The following SLC13A3 variants were observed in gnomAD, a reference collection of about 807,000 sequenced individuals.
The protein encoded by SLC13A3 is solute carrier family 13 member 3, also known as Na(+)/dicarboxylate cotransporter 3.
A neutral mutation model predicts 59.0 loss-of-function variants in SLC13A3; 40 were observed. The ratio of observed to expected loss-of-function variants is 0.68; its 90% CI spans 0.53 to 0.88. The LOEUF is 0.88. SLC13A3 is among the 40% of genes least tolerant of loss of function. SLC13A3 has a pLI of 0.00. For missense variants in SLC13A3, 699 were observed against 783.2 expected (o/e 0.89, Z 1.28); for synonymous variants, 317 against 330.3 (o/e 0.96, Z 0.44).
At chr20:46,623,323 G>T (rs1051436105) in intron 1 of SLC13A3, among the ~76,000 whole-genome samples, 3 of 152,116 alleles carry the variant, frequency 2.0e-5, no homozygotes, top group Non-Finnish European at 4.4e-5. Context: ...AACATTTTTT[G>T]AGTATTCTCT....
intron 1 of SLC13A3, among the ~76,000 whole-genome samples, chr20:46,646,972 A>C (rs1167779129): frequency 2.0e-5 from 3 of 152,208 alleles, no homozygotes; most frequent in Non-Finnish European, 4.4e-5. Context: ...AATTAGGCAA[A>C]TGCAAGAAAG....
intron 1 of SLC13A3, among the ~76,000 whole-genome samples, chr20:46,621,281 T>G (rs2062611636): frequency 7.5e-6 from 1 of 133,596 alleles, no homozygotes. Context: ...TAATGGGGAA[T>G]CATTAGGCAT....
chr20:46,672,017 C>A (rs117569812), upstream of SLC13A3, among the ~76,000 whole-genome samples: 932 of 152,342 alleles, frequency 6.1e-3, 8 homozygotes, highest in Non-Finnish European at 8.1e-3. Context: ...CAGAGGGTCA[C>A]AGTGTCTGTT....
intron 1 of SLC13A3, among the ~76,000 whole-genome samples, chr20:46,631,132 C>T (rs767125022): frequency 5.9e-5 from 9 of 152,150 alleles, no homozygotes; most frequent in East Asian, 1.9e-4. Context: ...CAGTGGTTCT[C>T]GACAGGGGGT....
intron 1 of SLC13A3, among the ~76,000 whole-genome samples, chr20:46,657,046 CTTAATA>C (rs2062998773): frequency 6.6e-6 from 1 of 152,058 alleles, no homozygotes; most frequent in Non-Finnish European, 1.5e-5. Context: ...TCACTGTCAT[CTTAATA>C]TTAAGCATCA....
chr20:46,577,069 C>T (rs55910062), intron 9 of SLC13A3, among the ~76,000 whole-genome samples: 4 of 25,974 alleles, frequency 1.5e-4, no homozygotes, highest in Non-Finnish European at 2.8e-4. Context: ...AGTCTACAGA[C>T]GTATGAAGCC....
In SLC13A3 at chr20:46,575,575, C is replaced by T; in HGVS notation, c.1330G>A (p.Glu444Lys). Reference protein sequence around the residue: ...GGGFAMAKGCEESGLSVWIGG... With the variant: ...GGGFAMAKGCKESGLSVWIGG... ...TTGGGGGAGCCAGGGGGTCTTACCT[C>T]ACAGCCTTTGGCCATGGCGAAGCCC... Residue 444 changes from glutamate (E) to lysine (K), a missense_variant and splice_region_variant, in exon 10 of 13, where the codon GAG becomes AAG. Physicochemically the swap from Glu to Lys is moderately conservative, Grantham distance 56. Coordinates refer to ENST00000279027, the MANE Select transcript of SLC13A3 (RefSeq NM_022829.6). The T allele has an allele frequency of 1.3e-6, 2 of 1,588,388 alleles. No homozygotes were observed. The highest frequency in any genetic ancestry group is 1.7e-6 in the Non-Finnish European group (2 of 1,165,076).
chr20:46,567,443 G>C (rs1263975540), intron 10 of SLC13A3, among the ~76,000 whole-genome samples: 2 of 151,976 alleles, frequency 1.3e-5, no homozygotes, highest in African/African-American at 4.8e-5. Flanking sequence ...TTTGTGACTT[G>C]CCCAGGATCC....
At chr20:46,617,846 G>A (rs1039258387) in intron 1 of SLC13A3, among the ~76,000 whole-genome samples, 5 of 152,014 alleles carry the variant, frequency 3.3e-5, no homozygotes, top group African/African-American at 9.7e-5. Context: ...CAATGAATTC[G>A]TGCTTTTAAA....
chr20:46,672,490 C>T (rs545869382), upstream of SLC13A3, among the ~76,000 whole-genome samples: 23 of 152,318 alleles, frequency 1.5e-4, no homozygotes, highest in South Asian at 8.3e-4. Context: ...AGCATCCCTC[C>T]TTCATGCGGC....
intron 10 of SLC13A3, among the ~76,000 whole-genome samples, chr20:46,575,038 G>A (rs191319523): frequency 7.9e-4 from 120 of 152,124 alleles, no homozygotes; most frequent in African/African-American, 2.9e-3. Flanking sequence ...CTACTTGGGA[G>A]GCTGAGGTGA....
At chr20:46,677,584 A>T (rs1044276538) in intron 1 of SLC13A3, among the ~76,000 whole-genome samples, 1 of 152,160 alleles carries the variant, frequency 6.6e-6, no homozygotes, top group Non-Finnish European at 1.5e-5. Flanking sequence ...ATGGGGGCAG[A>T]GACTATGGGT....
At chr20:46,638,321 T>C (rs1045957207) in intron 1 of SLC13A3, among the ~76,000 whole-genome samples, 2 of 152,220 alleles carry the variant, frequency 1.3e-5, no homozygotes, top group Admixed American at 1.3e-4. Flanking sequence ...GCTGGAAGAA[T>C]GTTCCTTTGC....
intron 1 of SLC13A3, among the ~76,000 whole-genome samples, chr20:46,648,320 G>A (rs531581888): frequency 2.6e-5 from 4 of 152,010 alleles, no homozygotes; most frequent in South Asian, 2.1e-4. Flanking sequence ...CTTCTTATTC[G>A]CATTGTATAT....
At chr20:46,565,791 T>C (rs921995489) in intron 11 of SLC13A3, among the ~76,000 whole-genome samples, 1 of 152,212 alleles carries the variant, frequency 6.6e-6, no homozygotes, top group Non-Finnish European at 1.5e-5. Flanking sequence ...ACACACCCTG[T>C]AGTGCACGGA....
intron 9 of SLC13A3, chr20:46,582,857 C>G: frequency 1.0e-6 from 1 of 985,474 alleles, no homozygotes; most frequent in Non-Finnish European, 1.2e-6. Context: ...TGGTAGACAT[C>G]TGCTGGACAC....
At chr20:46,615,197 A>G (rs542219304) in intron 1 of SLC13A3, among the ~76,000 whole-genome samples, 61 of 152,278 alleles carry the variant, frequency 4.0e-4, no homozygotes, top group African/African-American at 1.5e-3. Context: ...TTTCAAGGCA[A>G]CGATCTTGCA....
chr20:46,571,678 T>C (rs1287197431), intron 10 of SLC13A3, among the ~76,000 whole-genome samples: 2 of 151,950 alleles, frequency 1.3e-5, no homozygotes, highest in Non-Finnish European at 2.9e-5. Context: ...ACACAATCAA[T>C]AAACATGCCC....
chr20:46,618,057 A>C lies in SLC13A3; in HGVS notation c.112-4332T>G, dbSNP rs1302283417. ...TCTTGGACCCCTTCAGACAATCCTC[A>C]TCTTTGCGTTTTGAAAATGATATGA... On this transcript the variant is annotated intron_variant, in intron 1 of 12. Coordinates refer to ENST00000279027, the MANE Select transcript of SLC13A3 (RefSeq NM_022829.6). Among the ~76,000 whole-genome samples the C allele has an allele frequency of 5.9e-5, 9 of 152,054 alleles. No homozygotes were observed. The East Asian group carries it at 1.7e-3, about 29-fold the overall frequency.
Sources: allele counts gnomAD v4.1 joint callset (sites outside exome capture counted in the v4.1 genomes callset), GRCh38; gene constraint gnomAD v4.1.1; transcripts MANE v1.5; gene names NCBI Gene and HGNC (gene_info 2026-07-23, HGNC 2026-07-21).